Variants in NRG1 observed in about 807,000 individuals in gnomAD.
NRG1 encodes neuregulin 1.
In NRG1, 18 loss-of-function variants were observed where a neutral mutation model predicts 63.8. The ratio of observed to expected loss-of-function variants is 0.28; its 90% confidence interval spans 0.19 to 0.42. The LOEUF (loss-of-function observed/expected upper bound fraction) is 0.42, where lower values mean the gene tolerates loss of function less well. Ranked by LOEUF, NRG1 falls within the 10% of genes least tolerant of loss-of-function variation. NRG1 has a pLI of 1.00. For missense variants in NRG1, 762 were observed against 814.7 expected (o/e 0.94, Z 0.79); for synonymous variants, 302 against 301.3 (o/e 1.00, Z -0.02).
chr8:32,709,469 G>C (rs568978213), intron 5 of NRG1, among the ~76,000 whole-genome samples: 2 of 151,644 alleles, frequency 1.3e-5, no homozygotes, highest in Admixed American at 1.3e-4. Context: ...GCCCCAGCTG[G>C]AGTACAGTGG....
At chr8:32,199,965 T>G (rs1842652) in intron 1 of NRG1, among the ~76,000 whole-genome samples, 123,102 of 151,992 alleles carry the variant, frequency 0.81, 50,558 homozygotes, top group African/African-American at 0.92. Context: ...TTTTTGTAGA[T>G]ACAGGATTTC....
chr8:32,101,061 C>T (rs755203202), intron 1 of NRG1, among the ~76,000 whole-genome samples: 1 of 152,044 alleles, frequency 6.6e-6, no homozygotes, highest in African/African-American at 2.4e-5. Flanking sequence ...TTTCCGGCAT[C>T]TCATTTCTGA....
At chr8:31,924,807 T>G (rs954405554) in intron 1 of NRG1, among the ~76,000 whole-genome samples, 9 of 151,986 alleles carry the variant, frequency 5.9e-5, no homozygotes, top group Non-Finnish European at 1.3e-4. Flanking sequence ...ATTTTCTATA[T>G]TATTTAATTC....
intron 1 of NRG1, among the ~76,000 whole-genome samples, chr8:32,471,703 T>A (rs956610013): frequency 6.6e-6 from 1 of 152,186 alleles, no homozygotes; most frequent in Non-Finnish European, 1.5e-5. Context: ...ACATTTGTAA[T>A]GTTCAAATAC....
At chr8:32,605,309 A>G (rs1194780848) in intron 2 of NRG1, among the ~76,000 whole-genome samples, 1 of 152,206 alleles carries the variant, frequency 6.6e-6, no homozygotes, top group African/African-American at 2.4e-5. Flanking sequence ...AAACTACAGA[A>G]GAATTCCTTT....
chr8:32,688,577 G>A lies in NRG1; in HGVS notation c.503-39372G>A, dbSNP rs547796575. ...TCAACCCCAGCCCCTCATGCAGTAC[G>A]TGCACAATAAATATTTGTTGAATTA... On this transcript the variant is annotated intron_variant, in intron 5 of 11. Coordinates refer to ENST00000356819, the Ensembl canonical transcript of NRG1. Among the ~76,000 whole-genome samples the A allele has an allele frequency of 7.2e-5, 11 of 152,028 alleles. No homozygotes were observed. In the East Asian group the frequency reaches 7.7e-4, roughly 11 times the overall value.
intron 8 of NRG1, among the ~76,000 whole-genome samples, 155 bp downstream of exon 8, chr8:32,754,629 G>T (rs1038800734): frequency 2.0e-5 from 3 of 152,074 alleles, no homozygotes; most frequent in South Asian, 2.1e-4. Flanking sequence ...AATCCATTTT[G>T]AGGATGTCTC....
In NRG1 at chr8:32,344,410, C is replaced by T. The variant is rs544985163; in HGVS notation, c.38-251418C>T. Reference sequence around the variant, plus strand: ...TTTCTTTCTTTTTTGTGCATGCATGCGTGCATGCATGTGTGTGTGTGTGTG... The same window carrying T: ...TTTCTTTCTTTTTTGTGCATGCATGTGTGCATGCATGTGTGTGTGTGTGTG... On this transcript the variant is annotated intron_variant, in intron 1 of 10. Coordinates refer to the NRG1 transcript ENST00000519301. Among the ~76,000 whole-genome samples the T allele has an allele frequency of 2.9e-4, 17 of 57,714 alleles. 1 individual carries two copies. Among genetic ancestry groups the T allele is most frequent in the African/African-American group, 9.6e-4 (15 of 15,564 alleles). The allele number at this position is 57,714 out of a possible 152,430, so 37.9% of individuals were successfully genotyped here. A position where few individuals can be genotyped will look rare whatever the true frequency, so the allele number is the denominator to read the frequency against.
At chr8:32,036,923 C>T (rs1396799684) in intron 1 of NRG1, among the ~76,000 whole-genome samples, 1 of 152,154 alleles carries the variant, frequency 6.6e-6, no homozygotes, top group Non-Finnish European at 1.5e-5. Flanking sequence ...TCTTCTGAAG[C>T]CTACTTCTGT....
At chr8:32,031,464 C>T (rs899841288) in intron 1 of NRG1, among the ~76,000 whole-genome samples, 1 of 152,110 alleles carries the variant, frequency 6.6e-6, no homozygotes, top group African/African-American at 2.4e-5. Context: ...GGGCAGCTGC[C>T]CCTCCCACAC....
In NRG1 at chr8:31,939,547, A is replaced by T. The variant is rs571404003; in HGVS notation, c.37+300116A>T. Among the ~76,000 whole-genome samples, 6 of 152,210 alleles carry T rather than the reference A, an allele frequency of 3.9e-5. No homozygotes were observed. In the South Asian group the frequency reaches 1.0e-3, roughly 26 times the overall value. On this transcript the variant is annotated intron_variant, in intron 1 of 10. Coordinates refer to the NRG1 transcript ENST00000519301. ...TATTCAGGCAACAAATAGCATGATG[A>T]ATAGAGTAGTATCTCACATCTCAAT...
intron 1 of NRG1, among the ~76,000 whole-genome samples, chr8:31,789,666 A>G (rs549266597): frequency 1.3e-5 from 2 of 152,322 alleles, no homozygotes; most frequent in South Asian, 4.1e-4. Flanking sequence ...ATGGAATTAA[A>G]GTCTCCTGAC....
At chr8:32,276,739 T>A (rs9297187) in intron 1 of NRG1, among the ~76,000 whole-genome samples, 108,707 of 151,994 alleles carry the variant, frequency 0.72, 39,285 homozygotes, top group East Asian at 0.86. Flanking sequence ...TTTTAAATAG[T>A]GGGGAAATAG....
At chr8:32,298,571 G>A (rs1434168899) in intron 1 of NRG1, among the ~76,000 whole-genome samples, 2 of 151,838 alleles carry the variant, frequency 1.3e-5, no homozygotes, top group African/African-American at 2.4e-5. Context: ...CAAAATAACC[G>A]TGTGTGGCGG....
At chr8:31,695,360 G>C (rs1367618274) in intron 1 of NRG1, among the ~76,000 whole-genome samples, 1 of 152,168 alleles carries the variant, frequency 6.6e-6, no homozygotes, top group East Asian at 1.9e-4. Context: ...AGTAAATACG[G>C]GGTTTTGCCC....
intron 1 of NRG1, among the ~76,000 whole-genome samples, chr8:32,298,476 G>A (rs945010370): frequency 1.3e-5 from 2 of 152,122 alleles, no homozygotes; most frequent in Non-Finnish European, 2.9e-5. Flanking sequence ...TTAACTTTGG[G>A]AGGCTGAGGC....
intron 1 of NRG1, among the ~76,000 whole-genome samples, chr8:31,658,200 C>T (rs918702310): frequency 6.6e-6 from 1 of 152,228 alleles, no homozygotes; most frequent in South Asian, 2.1e-4. Flanking sequence ...ACTCATCATA[C>T]ATTTATATTT....
chr8:31,900,915 C>T (rs528891218), intron 1 of NRG1, among the ~76,000 whole-genome samples: 4 of 152,288 alleles, frequency 2.6e-5, no homozygotes, highest in Non-Finnish European at 4.4e-5. Flanking sequence ...ACAGAGGTCA[C>T]AGATGTTTCT....
intron 1 of NRG1, among the ~76,000 whole-genome samples, chr8:32,215,666 C>T (rs1845142178): frequency 6.6e-6 from 1 of 152,124 alleles, no homozygotes; most frequent in Non-Finnish European, 1.5e-5. Flanking sequence ...TATGCATTAG[C>T]TCATCAAAGG....
Sources: allele counts gnomAD v4.1 joint callset (sites outside exome capture counted in the v4.1 genomes callset), GRCh38; gene constraint gnomAD v4.1.1; transcripts MANE v1.5; gene names NCBI Gene and HGNC (gene_info 2026-07-23, HGNC 2026-07-21).